GSN: variants seen among roughly 807,000 people sequenced by gnomAD.
GSN encodes gelsolin.
In GSN, 56 loss-of-function variants were observed where a neutral mutation model predicts 85.7. That is an observed-to-expected ratio of 0.65 (90% CI 0.53 to 0.82). GSN has a LOEUF of 0.82. GSN is among the 40% of genes least tolerant of loss of function. The pLI is 0.00. For missense variants in GSN, 857 were observed against 979.8 expected (o/e 0.87, Z 1.67); for synonymous variants, 373 against 399.1 (o/e 0.93, Z 0.78).
At chr9:121,203,806 G>A (rs1246331166), upstream of GSN, among the ~76,000 whole-genome samples, 1 of 152,176 alleles carries the variant, frequency 6.6e-6, no homozygotes, top group East Asian at 1.9e-4. Flanking sequence ...AATTAAATGG[G>A]ATAGTATATG....
intron 1 of GSN, among the ~76,000 whole-genome samples, chr9:121,273,452 A>G (rs1411368287): frequency 6.6e-6 from 1 of 151,408 alleles, no homozygotes; most frequent in Non-Finnish European, 1.5e-5. Flanking sequence ...TTTTCTCCCC[A>G]CCTCCAAGGA....
intron 5 of GSN, chr9:121,311,438 C>G (rs1172918294): frequency 6.1e-6 from 1 of 164,584 alleles, no homozygotes; most frequent in Admixed American, 5.7e-5. Flanking sequence ...TCCGTGCAAA[C>G]ATGAGCACAC....
At chr9:121,309,849 C>T (rs4837839) in intron 4 of GSN, 55,042 of 151,956 alleles carry the variant, frequency 0.36, 12,450 homozygotes, top group South Asian at 0.59. Flanking sequence ...GTAGTCTTAG[C>T]CACTCGAGAG....
intron 2 of GSN, chr9:121,286,712 C>G (rs1185962151): frequency 2.6e-6 from 4 of 1,535,392 alleles, no homozygotes; most frequent in Admixed American, 3.9e-5. Context: ...CTGTGGCCAT[C>G]ATTCTCCTTA....
chr9:121,288,034 C>G (rs1311987744), intron 2 of GSN, among the ~76,000 whole-genome samples: 1 of 152,182 alleles, frequency 6.6e-6, no homozygotes, highest in African/African-American at 2.4e-5. Context: ...TCAAGCGATC[C>G]TCCCACCTCA....
intron 5 of GSN, among the ~76,000 whole-genome samples, chr9:121,247,230 C>T (rs1219358587): frequency 6.6e-6 from 1 of 152,154 alleles, no homozygotes; most frequent in African/African-American, 2.4e-5. Context: ...TAGTCAGGAA[C>T]CAGCCAGACC....
chr9:121,299,105 A>G lies in GSN; in HGVS notation c.-9-2858A>G, dbSNP rs929138927. The G allele has an allele frequency of 1.3e-5, 2 of 157,640 alleles. No individual in the cohort carries two copies. The highest frequency in any genetic ancestry group is 4.8e-5 in the African/African-American group (2 of 41,556). 9.8% of individuals were successfully genotyped at this position (157,640 alleles called of 1,614,324 possible). A position where few individuals can be genotyped will look rare whatever the true frequency, so the allele number is the denominator to read the frequency against. ...CCCTGGGGAGAGGTAAATGTGATGG[A>G]GAGGGAACAACTGTGTACAAACATG... On this transcript the variant is annotated intron_variant, in intron 2 of 17. Transcript: ENST00000432226. The surrounding 1 kb of genome is among the most constrained non-coding windows in gnomAD (Gnocchi z 4.2).
intron 2 of GSN, among the ~76,000 whole-genome samples, chr9:121,288,455 G>A (rs2132809824): frequency 6.6e-6 from 1 of 152,322 alleles, no homozygotes; most frequent in African/African-American, 2.4e-5. Flanking sequence ...CAGATGCCCA[G>A]GTACGGTTGG....
intron 4 of GSN, among the ~76,000 whole-genome samples, chr9:121,307,915 T>G (rs112025054): frequency 3.0e-4 from 46 of 152,360 alleles, no homozygotes; most frequent in African/African-American, 1.1e-3. Context: ...GCACTCTGCC[T>G]GGCTCTCCAA....
At chr9:121,300,327 CCTT>C (rs999562696) in intron 2 of GSN, among the ~76,000 whole-genome samples, 19 of 152,128 alleles carry the variant, frequency 1.2e-4, no homozygotes, top group South Asian at 2.1e-4. Context: ...TCACTTCTCT[CCTT>C]CTCTCTTCTG....
At chr9:121,291,428 T>C (rs2058676923) in intron 2 of GSN, among the ~76,000 whole-genome samples, 2 of 150,248 alleles carry the variant, frequency 1.3e-5, no homozygotes, top group Admixed American at 1.3e-4. Flanking sequence ...TTTTTTTTTT[T>C]TTTTTTTTGA....
chr9:121,281,257 A>G (rs1027720622), intron 1 of GSN: 3 of 238,694 alleles, frequency 1.3e-5, no homozygotes, highest in Non-Finnish European at 2.5e-5. Flanking sequence ...ATTTTAGTGC[A>G]TCCTTAGGAC....
chr9:121,290,258 C>T (rs1043660369), intron 2 of GSN, among the ~76,000 whole-genome samples: 1 of 152,114 alleles, frequency 6.6e-6, no homozygotes, highest in African/African-American at 2.4e-5. Flanking sequence ...AGGCAGCACC[C>T]ACACGGGAGC....
chr9:121,217,711 G>T (rs2132096966), intron 4 of GSN, among the ~76,000 whole-genome samples: 1 of 151,604 alleles, frequency 6.6e-6, no homozygotes, highest in Admixed American at 6.6e-5. Context: ...GGATGTGGCT[G>T]AGTGGCACAA....
intron 2 of GSN, among the ~76,000 whole-genome samples, chr9:121,298,267 C>T (rs1467903729): frequency 6.6e-6 from 1 of 152,238 alleles, no homozygotes; most frequent in Admixed American, 6.5e-5. Context: ...TTTGCCTATG[C>T]GTCCCCTCCC....
At chr9:121,303,464 G>T (rs2060107672) in intron 4 of GSN, among the ~76,000 whole-genome samples, 1 of 152,206 alleles carries the variant, frequency 6.6e-6, no homozygotes. Flanking sequence ...CCCGTGTTAA[G>T]TATTTAATAG....
At position 121,302,134 on chromosome 9, in the gene GSN, G is replaced by A. The variant is rs556563870; in HGVS notation, c.163G>A (p.Gly55Arg). ...CCTGAAGACAGTGCAGCTGAGGAACGGAAATCTGCAGTATGACCTCCACTA... is the reference window on the plus strand; with the variant it reads ...CCTGAAGACAGTGCAGCTGAGGAACAGAAATCTGCAGTATGACCTCCACTA... ...VILKTVQLRN[G>R]NLQYDLHYWL... is the part of the protein sequence containing the mutation. Residue 55 changes from glycine (G) to arginine (R), a missense_variant, in exon 3 of 18, where the codon GGA becomes AGA. Transcript: ENST00000432226. The A allele has an allele frequency of 1.2e-5, 19 of 1,614,182 alleles. No homozygotes were observed. Among genetic ancestry groups the A allele is most frequent in the East Asian group, 2.2e-5 (1 of 44,888 alleles).
intron 11 of GSN, among the ~76,000 whole-genome samples, chr9:121,322,042 C>T (rs1215853566): frequency 6.6e-6 from 1 of 152,028 alleles, no homozygotes; most frequent in Admixed American, 6.6e-5. Context: ...CACACCCAGC[C>T]CCAAAATTAT....
chr9:121,224,468 T>G (rs1434585430), intron 4 of GSN, among the ~76,000 whole-genome samples: 1 of 152,182 alleles, frequency 6.6e-6, no homozygotes, highest in Non-Finnish European at 1.5e-5. Flanking sequence ...GAGATTACTT[T>G]GTTCCTCTTC....
Sources: gnomAD v4.1 joint callset for allele counts (sites outside exome capture counted in the v4.1 genomes callset) on GRCh38, gnomAD v4.1.1 for gene constraint, Gnocchi (gnomAD v3.1) non-coding constraint, MANE v1.5 for transcripts, NCBI Gene and HGNC (gene_info 2026-07-23, HGNC 2026-07-21) for gene names.